PNOC: variants seen among roughly 807,000 people sequenced by gnomAD.
The protein encoded by PNOC is nociceptin.
In PNOC, 10 loss-of-function variants were observed where a neutral mutation model predicts 15.6. The ratio of observed to expected loss-of-function variants is 0.64; its 90% CI spans 0.40 to 1.09. The LOEUF is 1.09. Among genes scored for constraint, PNOC ranks in the 50% least tolerant of loss-of-function variants. PNOC has a pLI of 0.01. For synonymous variants in PNOC, 98 were observed against 88.5 expected (o/e 1.11, Z -0.60); for missense variants, 220 against 223.9 (o/e 0.98, Z 0.11).
chr8:28,339,597 C>A (rs1007218096), intron 3 of PNOC, 106 bp downstream of exon 3: 2 of 869,938 alleles, frequency 2.3e-6, no homozygotes, highest in South Asian at 3.0e-5. Flanking sequence ...GCCCCCTCCC[C>A]ACTCCACACA....
In PNOC at chr8:28,324,422, A is replaced by G. The variant is rs186024935; in HGVS notation, c.-23-4713A>G. ...ACATTCTGTATTACAACCTCATATT[A>G]GGAAGGAAAGGAAACGGCTCCTTTT... On this transcript the variant is annotated intron_variant, in intron 1 of 3. Transcript: ENST00000301908. 3.3e-5 allele frequency among the ~76,000 whole-genome samples: 5 copies of G among 152,328 alleles called. No individual in the cohort carries two copies. The East Asian group carries it at 9.6e-4, about 29-fold the overall frequency.
intron 2 of PNOC, among the ~76,000 whole-genome samples, chr8:28,336,825 A>T (rs892047095): frequency 2.6e-5 from 4 of 151,760 alleles, no homozygotes; most frequent in Non-Finnish European, 5.9e-5. Flanking sequence ...TGGTAGAGGG[A>T]GTGGGAGGAG....
intron 1 of PNOC, among the ~76,000 whole-genome samples, chr8:28,320,616 C>G (rs938453235): frequency 6.6e-6 from 1 of 151,982 alleles, no homozygotes; most frequent in African/African-American, 2.4e-5. Flanking sequence ...TTTGGGAGGC[C>G]GAGGTGGGCA....
intron 2 of PNOC, among the ~76,000 whole-genome samples, chr8:28,330,397 T>TTTTA (rs1491220831): frequency 2.6e-4 from 21 of 80,802 alleles, no homozygotes; most frequent in African/African-American, 7.3e-4. Flanking sequence ...TTTTATTTTA[T>TTTTA]TTTTTTTTTT....
At chr8:28,328,670 A>C (rs1447565310) in intron 1 of PNOC, among the ~76,000 whole-genome samples, 1 of 152,178 alleles carries the variant, frequency 6.6e-6, no homozygotes, top group Non-Finnish European at 1.5e-5. Flanking sequence ...TCATCTTCAC[A>C]ATAGGCCTGT....
intron 1 of PNOC, among the ~76,000 whole-genome samples, chr8:28,321,177 T>C (rs1801145974): frequency 6.6e-6 from 1 of 150,386 alleles, no homozygotes; most frequent in South Asian, 2.1e-4. Flanking sequence ...TAGCTAAGAC[T>C]GCAGATGTGC....
intron 1 of PNOC, among the ~76,000 whole-genome samples, chr8:28,322,314 C>T (rs1801163495): frequency 6.6e-6 from 1 of 152,156 alleles, no homozygotes; most frequent in Non-Finnish European, 1.5e-5. Context: ...ATCATTTGAA[C>T]CCAGGAGGCA....
chr8:28,328,099 A>C (rs1463460734), intron 1 of PNOC, among the ~76,000 whole-genome samples: 3 of 110,004 alleles, frequency 2.7e-5, no homozygotes, highest in Admixed American at 1.4e-4. Context: ...ACAGAGTCTC[A>C]CTCTGTCAAC....
intron 2 of PNOC, among the ~76,000 whole-genome samples, chr8:28,336,450 G>A (rs1355522431): frequency 6.6e-6 from 1 of 152,134 alleles, no homozygotes; most frequent in African/African-American, 2.4e-5. Flanking sequence ...TGGATGGAAG[G>A]ATGCAAGGAG....
chr8:28,330,396 A>ATTTTATTTTTTTTTTTTTTTT (rs377288105), intron 2 of PNOC, among the ~76,000 whole-genome samples: 45 of 80,434 alleles, frequency 5.6e-4, no homozygotes, highest in Non-Finnish European at 9.5e-4. Flanking sequence ...ATTTTATTTT[A>ATTTTATTTTTTTTTTTTTTTT]TTTTTTTTTT....
intron 1 of PNOC, among the ~76,000 whole-genome samples, chr8:28,328,791 A>C (rs1183806000): frequency 6.6e-6 from 1 of 152,068 alleles, no homozygotes; most frequent in Non-Finnish European, 1.5e-5. Flanking sequence ...TTTAGCTCCC[A>C]AGAAAGCTAT....
At chr8:28,333,610 A>G (rs1801364271) in intron 2 of PNOC, among the ~76,000 whole-genome samples, 1 of 152,224 alleles carries the variant, frequency 6.6e-6, no homozygotes, top group African/African-American at 2.4e-5. Context: ...TTTATCTAAC[A>G]GTGCATCAAG....
intron 3 of PNOC, chr8:28,340,019 T>C (rs943257872): frequency 5.9e-5 from 9 of 152,278 alleles, no homozygotes; most frequent in African/African-American, 2.2e-4. Flanking sequence ...CCATTTTACC[T>C]GGACAAAGAG....
chr8:28,334,520 A>T (rs1404895550), intron 2 of PNOC, among the ~76,000 whole-genome samples: 1 of 152,106 alleles, frequency 6.6e-6, no homozygotes, highest in Non-Finnish European at 1.5e-5. Flanking sequence ...TCTTTGAGAC[A>T]GTCCCGTTCT....
In PNOC at chr8:28,337,785, G is replaced by T. The variant is rs1352587003; in HGVS notation, c.127-1255G>T. Reference sequence around the variant, plus strand: ...TTTTTGTATTTTTAGTAGAGATGGGGTTTCACCATGTTAGCCAGGATGGTC... The same window carrying T: ...TTTTTGTATTTTTAGTAGAGATGGGTTTTCACCATGTTAGCCAGGATGGTC... On this transcript the variant is annotated intron_variant, in intron 2 of 3. Coordinates refer to ENST00000301908, the MANE Select transcript of PNOC (RefSeq NM_006228.5). 2.0e-5 allele frequency among the ~76,000 whole-genome samples: 3 copies of T among 150,920 alleles called. No individual in the cohort carries two copies. The East Asian group carries it at 5.8e-4, about 29-fold the overall frequency.
At chr8:28,329,432 T>A in intron 2 of PNOC, 149 bp downstream of exon 2, 1 of 822,116 alleles carries the variant, frequency 1.2e-6, no homozygotes, top group Admixed American at 2.7e-5. Context: ...AGGAAACAGA[T>A]CAGACAGGAG....
At chr8:28,330,689 A>T (rs1801318637) in intron 2 of PNOC, among the ~76,000 whole-genome samples, 1 of 150,784 alleles carries the variant, frequency 6.6e-6, no homozygotes, top group African/African-American at 2.4e-5. Flanking sequence ...GGCGTGAGCC[A>T]CCACGCCTGG....
intron 3 of PNOC, among the ~76,000 whole-genome samples, chr8:28,340,529 A>G (rs1801499259): frequency 6.6e-6 from 1 of 152,238 alleles, no homozygotes; most frequent in Non-Finnish European, 1.5e-5. Context: ...CTTAATTTGT[A>G]TATGGGAATA....
chr8:28,341,183 A>C (rs1317670297), intron 3 of PNOC, among the ~76,000 whole-genome samples: 1 of 152,170 alleles, frequency 6.6e-6, no homozygotes, highest in East Asian at 1.9e-4. Context: ...TGGTGCCCAC[A>C]CTTTAGCATG....
Sources: gnomAD v4.1 joint callset for allele counts (sites outside exome capture counted in the v4.1 genomes callset) on GRCh38, gnomAD v4.1.1 for gene constraint, MANE v1.5 for transcripts, NCBI Gene and HGNC (gene_info 2026-07-23, HGNC 2026-07-21) for gene names.